The following SULT1E1 variants were observed in gnomAD, a reference collection of about 807,000 sequenced individuals.
The protein encoded by SULT1E1 is sulfotransferase 1E1.
Under a neutral mutation model 33.6 loss-of-function variants are expected in SULT1E1, and 36 were observed. The observed-to-expected ratio is 1.07, with a 90% CI of 0.82 to 1.41. SULT1E1 has a LOEUF of 1.41. SULT1E1 is among the 40% of genes most tolerant of loss of function. The pLI is 0.00. For synonymous variants in SULT1E1, 121 were observed against 111.7 expected, an observed-to-expected ratio of 1.08 and a Z score of -0.53; for missense variants, 371 against 345.7, an observed-to-expected ratio of 1.07 and a Z score of -0.58.
intron 4 of SULT1E1, 136 bp from the exon 5 acceptor site, chr4:69,849,699 A>T: frequency 2.7e-6 from 2 of 744,940 alleles, no homozygotes; most frequent in South Asian, 2.4e-5. Flanking sequence ...TAAGACATGT[A>T]CAATTATTTA....
chr4:69,850,774 C>T (rs1721084497), intron 4 of SULT1E1, among the ~76,000 whole-genome samples: 1 of 152,096 alleles, frequency 6.6e-6, no homozygotes, highest in East Asian at 1.9e-4. Context: ...TATAGCTTGC[C>T]TTCTGGTCCT....
intron 4 of SULT1E1, among the ~76,000 whole-genome samples, chr4:69,851,433 C>T (rs1331077837): frequency 6.6e-6 from 1 of 152,154 alleles, no homozygotes; most frequent in Non-Finnish European, 1.5e-5. Flanking sequence ...GATACCGTCT[C>T]ACACCAGTTA....
the SULT1E1 span, among the ~76,000 whole-genome samples, chr4:69,831,357 G>T: frequency 6.6e-6 from 1 of 152,136 alleles, no homozygotes; most frequent in African/African-American, 2.4e-5. Context: ...CTGCCAAACA[G>T]GGTTGCAACC....
downstream of SULT1E1, among the ~76,000 whole-genome samples, chr4:69,840,687 T>A (rs1374672369): frequency 6.6e-6 from 1 of 152,188 alleles, no homozygotes; most frequent in Non-Finnish European, 1.5e-5. Flanking sequence ...TGGAAATCTG[T>A]TGTGTTATGT....
At chr4:69,829,136 A>T in the SULT1E1 span, among the ~76,000 whole-genome samples, 1 of 152,148 alleles carries the variant, frequency 6.6e-6, no homozygotes, top group African/African-American at 2.4e-5. Flanking sequence ...TTGCTGGAAT[A>T]TGTCCCATTA....
At chr4:69,856,919 G>C (rs187042642) in intron 2 of SULT1E1, among the ~76,000 whole-genome samples, 26 of 116,040 alleles carry the variant, frequency 2.2e-4, no homozygotes, top group Admixed American at 3.5e-4. Context: ...CTGGGAGACA[G>C]AGCGAGACTC....
downstream of SULT1E1, among the ~76,000 whole-genome samples, chr4:69,837,225 G>A (rs1720810847): frequency 6.6e-6 from 1 of 152,114 alleles, no homozygotes; most frequent in Non-Finnish European, 1.5e-5. Flanking sequence ...ACATTGTATA[G>A]ATTTTCTTTG....
intron 4 of SULT1E1, among the ~76,000 whole-genome samples, chr4:69,852,662 G>C (rs1373810719): frequency 6.6e-6 from 1 of 151,962 alleles, no homozygotes; most frequent in East Asian, 1.9e-4. Flanking sequence ...TTGCATAAAG[G>C]ATATTTACAA....
rs758171863 is a variant in SULT1E1, at chr4:69,854,230, T to G, written c.356A>C (p.Glu119Ala). Residue 119 changes from glutamate to alanine, a missense_variant, in exon 4 of 8, where the codon GAA becomes GCA. Physicochemically the swap from Glu to Ala is moderately radical, Grantham distance 107. Transcript: ENST00000226444. ...PPELLPASFW[E>A]KDCKIIYLCR... The stretch of plus-strand genomic sequence containing the variant: ...GACTCTGGTTACCTTACAATCCTTT[T>G]CCCAAAATGAGGCAGGAAGAAGTTC... 1 of 1,611,726 alleles carries G rather than the reference T, an allele frequency of 6.2e-7. No homozygotes were observed. The highest frequency in any genetic ancestry group is 8.5e-7 in the Non-Finnish European group (1 of 1,178,520).
chr4:69,828,240 A>G, the SULT1E1 span, among the ~76,000 whole-genome samples: 2 of 152,064 alleles, frequency 1.3e-5, no homozygotes, highest in Non-Finnish European at 2.9e-5. Context: ...GCGGCAACCC[A>G]CTCAAGTCCC....
At position 69,849,548 on chromosome 4, in the gene SULT1E1, G is replaced by T. The variant is rs762229711; in HGVS notation, c.385C>A (p.Arg129=). 4 of 1,604,252 alleles carry T rather than the reference G, an allele frequency of 2.5e-6. No individual in the cohort carries two copies. Among genetic ancestry groups the T allele is most frequent in the South Asian group, 2.2e-5 (2 of 89,470 alleles). Residue 129 remains arginine (R), a synonymous_variant, in exon 5 of 8, where the codon CGG becomes AGG. Coordinates refer to ENST00000226444, the MANE Select transcript of SULT1E1 (RefSeq NM_005420.3). ...GAAACAGCCACATCCTTTGCATTCC[G>T]GCAAAGATAGATTATCTAAGAGGAT... ...EKDCKIIYLC[R]NAKDVAVSFY...
At chr4:69,821,850 T>A in the SULT1E1 span, among the ~76,000 whole-genome samples, 4 of 152,196 alleles carry the variant, frequency 2.6e-5, no homozygotes, top group East Asian at 7.7e-4. Context: ...TTAAAGCTTT[T>A]GGGTAAATGG....
At chr4:69,839,716 A>C (rs1163815872), downstream of SULT1E1, among the ~76,000 whole-genome samples, 2 of 152,296 alleles carry the variant, frequency 1.3e-5, no homozygotes, top group East Asian at 3.9e-4. Flanking sequence ...ATGCCGTCCA[A>C]GGTTTTCATT....
At chr4:69,839,331 G>A (rs28727889), downstream of SULT1E1, among the ~76,000 whole-genome samples, 1,121 of 152,308 alleles carry the variant, frequency 7.4e-3, 11 homozygotes, top group South Asian at 0.023. Context: ...ATGTGAGACA[G>A]TAAGAGCCAG....
the SULT1E1 span, among the ~76,000 whole-genome samples, chr4:69,823,454 G>A: frequency 6.6e-6 from 1 of 152,042 alleles, no homozygotes; most frequent in Non-Finnish European, 1.5e-5. Context: ...CATAGTTAAG[G>A]CTTCCTCTTT....
At chr4:69,843,387 G>GT (rs1345284951) in intron 7 of SULT1E1, among the ~76,000 whole-genome samples, 6 of 152,148 alleles carry the variant, frequency 3.9e-5, no homozygotes, top group South Asian at 2.1e-4. Context: ...TTAAAATATA[G>GT]TTTGAGAACT....
At chr4:69,855,448 G>A (rs760617116) in intron 2 of SULT1E1, 22 bp from the exon 3 acceptor site, 4 of 1,599,820 alleles carry the variant, frequency 2.5e-6, no homozygotes, top group Non-Finnish European at 2.6e-6. Context: ...AAATAAACCT[G>A]AGTCTCCTGC....
chr4:69,844,021 G>C, intron 7 of SULT1E1, 140 bp downstream of exon 7: 4 of 716,800 alleles, frequency 5.6e-6, no homozygotes, highest in Non-Finnish European at 9.8e-6. Context: ...GTAACTTAAA[G>C]AGTGTATTCA....
At chr4:69,834,885 T>C in the SULT1E1 span, among the ~76,000 whole-genome samples, 5 of 152,092 alleles carry the variant, frequency 3.3e-5, no homozygotes, top group Non-Finnish European at 7.4e-5. Flanking sequence ...TCGCCCCTCA[T>C]TTTCTGACAA....
Sources: gnomAD v4.1 joint callset for allele counts (sites outside exome capture counted in the v4.1 genomes callset) on GRCh38, gnomAD v4.1.1 for gene constraint, MANE v1.5 for transcripts, NCBI Gene and HGNC (gene_info 2026-07-23, HGNC 2026-07-21) for gene names.